TNR: variants seen among roughly 807,000 people sequenced by gnomAD.
TNR encodes tenascin R.
TNR carries 45 observed loss-of-function variants against 150.4 expected under a neutral mutation model. That is an observed-to-expected ratio of 0.30 (90% CI 0.24 to 0.38). The LOEUF (loss-of-function observed/expected upper bound fraction) is 0.38, where lower values mean the gene tolerates loss of function less well. Among genes scored for constraint, TNR ranks in the 10% least tolerant of loss-of-function variants. The pLI, the probability that TNR is intolerant of heterozygous loss-of-function variation, is 1.00. For missense variants in TNR, 1,544 were observed against 1,759.1 expected (o/e 0.88, Z 2.19); for synonymous variants, 687 against 678.4 (o/e 1.01, Z -0.20).
At chr1:175,504,115 C>CTGG (rs1051689824) in intron 2 of TNR, among the ~76,000 whole-genome samples, 8 of 152,166 alleles carry the variant, frequency 5.3e-5, no homozygotes, top group Admixed American at 4.6e-4. Flanking sequence ...CTAGAAGGAA[C>CTGG]TGGTCTTTGA....
At chr1:175,427,250 A>G (rs1655032818) in intron 2 of TNR, among the ~76,000 whole-genome samples, 1 of 151,908 alleles carries the variant, frequency 6.6e-6, no homozygotes. Flanking sequence ...ATGACTATAC[A>G]AGTCAGTGAG....
At position 175,424,046 on chromosome 1, in the gene TNR, A is replaced by G. The variant is rs374599611; in HGVS notation, c.-63-17269T>C. ...TAGAAAATCTATACATATTTATTATAGAATAACTAGAACATACAGAAAGAT... is the reference window on the plus strand; with the variant it reads ...TAGAAAATCTATACATATTTATTATGGAATAACTAGAACATACAGAAAGAT... On this transcript the variant is annotated intron_variant, in intron 2 of 22. Transcript: ENST00000367674. Among the ~76,000 whole-genome samples the G allele has an allele frequency of 3.9e-5, 6 of 152,384 alleles. No individual in the cohort carries two copies. In the East Asian group the frequency reaches 1.2e-3, roughly 29 times the overall value.
chr1:175,476,222 A>G (rs1657540763), intron 2 of TNR, among the ~76,000 whole-genome samples: 1 of 152,206 alleles, frequency 6.6e-6, no homozygotes, highest in African/African-American at 2.4e-5. Flanking sequence ...GGTGCTTGCC[A>G]TGATCACAGG....
rs114341859 is a variant in TNR, at chr1:175,549,588, G to C, written c.-164-21219C>G. The stretch of plus-strand genomic sequence containing the variant: ...TTGGTGTTAAGACAGAAAGATTATA[G>C]AGGTGGGCCTGTCCTAATCGCATGA... On this transcript the variant is annotated intron_variant, in intron 1 of 22. Transcript: ENST00000367674. Among the ~76,000 whole-genome samples, 1,507 of 152,308 alleles carry C rather than the reference G, an allele frequency of 9.9e-3. 21 individuals carry two copies. Among genetic ancestry groups the C allele is most frequent in the African/African-American group, 0.033 (1,380 of 41,574 alleles).
At chr1:175,600,403 CAT>C (rs890770830) in intron 1 of TNR, among the ~76,000 whole-genome samples, 3 of 152,156 alleles carry the variant, frequency 2.0e-5, no homozygotes. Context: ...GTTCTGCAAA[CAT>C]AGTTTTGTAT....
At chr1:175,624,265 T>C (rs1664073704) in intron 1 of TNR, among the ~76,000 whole-genome samples, 1 of 152,196 alleles carries the variant, frequency 6.6e-6, no homozygotes. Flanking sequence ...TTCCTGGAAA[T>C]AGATGATAGA....
At chr1:175,343,754 G>T (rs1402228567) in intron 18 of TNR, among the ~76,000 whole-genome samples, 2 of 152,092 alleles carry the variant, frequency 1.3e-5, no homozygotes, top group African/African-American at 4.8e-5. Flanking sequence ...CCTCCCCTAT[G>T]GTTATGAAAA....
intron 20 of TNR, among the ~76,000 whole-genome samples, chr1:175,331,145 TCC>T (rs1649873192): frequency 7.1e-6 from 1 of 140,638 alleles, no homozygotes; most frequent in African/African-American, 2.6e-5. Flanking sequence ...CTTTCTTTCT[TCC>T]TTTCTTTCTT....
Position 175,393,830 on chromosome 1 carries a change from C to T in TNR, c.1306G>A (p.Glu436Lys), listed in dbSNP as rs1176966515. ...ITETTVEVQW[E>K]PFSFSFDGWE... The stretch of plus-strand genomic sequence containing the variant: ...CCATCGAAGGAAAATGAGAAGGGCT[C>T]CCACTGCACCTCCACGGTGGTCTCT... The change falls in exon 6 of 23, where the codon GAG (glutamate) becomes AAG (lysine). Residue 436 changes from glutamate to lysine, a missense_variant. Physicochemically the swap from Glu to Lys is moderately conservative, Grantham distance 56. This residue lies in a region of TNR where 1,254 missense variants were observed against 1,329.4 expected (regional missense o/e 0.94). Transcript: ENST00000367674. The T allele has an allele frequency of 1.2e-6, 2 of 1,614,056 alleles. No individual in the cohort carries two copies. Among genetic ancestry groups the T allele is most frequent in the Non-Finnish European group, 1.7e-6 (2 of 1,180,032 alleles).
In TNR at chr1:175,595,673, T is replaced by C. The variant is rs144304205; in HGVS notation, c.-164-67304A>G. ...AGACCCACTAAATTACCAGACTGAA[T>C]TGGACCAAAGAGAATTAGGCAATGG... On this transcript the variant is annotated intron_variant, in intron 1 of 22. Transcript: ENST00000367674. 4.6e-5 allele frequency among the ~76,000 whole-genome samples: 7 copies of C among 152,284 alleles called. No homozygotes were observed. The East Asian group carries it at 7.7e-4, about 17-fold the overall frequency.
chr1:175,361,462 G>T (rs150049123), intron 14 of TNR, among the ~76,000 whole-genome samples: 3 of 152,254 alleles, frequency 2.0e-5, no homozygotes, highest in Non-Finnish European at 4.4e-5. Context: ...AAACTGAATG[G>T]CTGTGTTATC....
At chr1:175,670,618 G>A (rs1665669557) in intron 1 of TNR, among the ~76,000 whole-genome samples, 1 of 152,118 alleles carries the variant, frequency 6.6e-6, no homozygotes, top group Non-Finnish European at 1.5e-5. Flanking sequence ...CCAGGTCGCT[G>A]GGGACAAGAG....
chr1:175,507,323 C>T (rs1658996560), intron 2 of TNR, among the ~76,000 whole-genome samples: 1 of 152,208 alleles, frequency 6.6e-6, no homozygotes, highest in Non-Finnish European at 1.5e-5. Flanking sequence ...AATTCACTTG[C>T]AGGCTCTTTT....
chr1:175,368,683 C>T (rs1651946777), intron 9 of TNR, among the ~76,000 whole-genome samples: 1 of 152,224 alleles, frequency 6.6e-6, no homozygotes, highest in Non-Finnish European at 1.5e-5. Context: ...GGCACGGTGG[C>T]TCATGCCTGT....
intron 2 of TNR, among the ~76,000 whole-genome samples, chr1:175,455,046 A>G (rs1241068764): frequency 6.6e-6 from 1 of 152,190 alleles, no homozygotes; most frequent in African/African-American, 2.4e-5. Flanking sequence ...GTTCTCAGGA[A>G]TGCTGAGCCG....
intron 2 of TNR, among the ~76,000 whole-genome samples, chr1:175,448,312 G>T (rs533307972): frequency 3.3e-5 from 5 of 152,178 alleles, no homozygotes; most frequent in African/African-American, 1.2e-4. Flanking sequence ...CCACCTCCCA[G>T]GTTCAAGTGA....
chr1:175,511,479 G>A (rs1395411863), intron 2 of TNR, among the ~76,000 whole-genome samples: 3 of 152,158 alleles, frequency 2.0e-5, no homozygotes, highest in East Asian at 3.8e-4. Context: ...TGAAGTCTAA[G>A]GTTTTATTGT....
Position 175,358,358 on chromosome 1 carries a change from G to A in TNR, c.2974+1254C>T, listed in dbSNP as rs151132014. ...TCTGATGCCTTGCTGAAATACAAAT[G>A]TACTAGCAGGTTTGCCAATGAAAAC... is the stretch of plus-strand genomic sequence containing the variant. On this transcript the variant is annotated intron_variant, in intron 15 of 22. Transcript: ENST00000367674. Among the ~76,000 whole-genome samples, 54 of 152,314 alleles carry A rather than the reference G, an allele frequency of 3.5e-4. No homozygotes were observed. The East Asian group carries it at 9.1e-3, about 26-fold the overall frequency.
At chr1:175,587,568 A>G (rs1337476093) in intron 1 of TNR, among the ~76,000 whole-genome samples, 1 of 152,180 alleles carries the variant, frequency 6.6e-6, no homozygotes, top group African/African-American at 2.4e-5. Context: ...GTTGTGTAGC[A>G]TGCTCCAATA....
Sources: allele counts gnomAD v4.1 joint callset (sites outside exome capture counted in the v4.1 genomes callset), GRCh38; gene constraint gnomAD v4.1.1; regional missense constraint gnomAD v4.1.1; transcripts MANE v1.5; gene names NCBI Gene and HGNC (gene_info 2026-07-23, HGNC 2026-07-21).